PTK2: variants seen among roughly 807,000 people sequenced by gnomAD.
PTK2 encodes the protein protein tyrosine kinase 2.
Under a neutral mutation model 150.1 loss-of-function variants are expected in PTK2, and 45 were observed. The observed-to-expected ratio is 0.30, with a 90% CI of 0.24 to 0.38. PTK2 has a LOEUF of 0.38. Among genes scored for constraint, PTK2 ranks in the 10% least tolerant of loss-of-function variants. PTK2 has a pLI of 1.00. For missense variants in PTK2, 919 were observed against 1,307.3 expected (o/e 0.70, Z 4.58); for synonymous variants, 432 against 449.2 (o/e 0.96, Z 0.48).
In PTK2 at chr8:140,970,042, C is replaced by T. The variant is rs151058232; in HGVS notation, c.-122+31083G>A. On this transcript the variant is annotated intron_variant, in intron 1 of 31. Transcript: ENST00000522684. ...AACTGACCTACTTCTGAAACTAAGA[C>T]CTAGATAGAGCAGCTCCTACTAGGA... Among the ~76,000 whole-genome samples the T allele has an allele frequency of 5.9e-3, 906 of 152,336 alleles. 10 individuals carry two copies. Among genetic ancestry groups the T allele is most frequent in the African/African-American group, 0.021 (863 of 41,582 alleles).
intron 5 of PTK2, among the ~76,000 whole-genome samples, chr8:140,850,462 A>C (rs578205176): frequency 1.3e-5 from 2 of 148,844 alleles, no homozygotes; most frequent in Non-Finnish European, 3.0e-5. Flanking sequence ...GCGGTGGCTT[A>C]TGTCTGTAAT....
chr8:140,784,345 T>C (rs1340111525), intron 14 of PTK2, among the ~76,000 whole-genome samples: 2 of 152,166 alleles, frequency 1.3e-5, no homozygotes, highest in Non-Finnish European at 2.9e-5. Context: ...CATAATGCAA[T>C]GGTATTACTA....
intron 4 of PTK2, among the ~76,000 whole-genome samples, chr8:140,873,331 A>G (rs1049643326): frequency 6.6e-6 from 1 of 152,210 alleles, no homozygotes; most frequent in Non-Finnish European, 1.5e-5. Flanking sequence ...GAGTTTCACT[A>G]AGGTATCGAT....
intron 1 of PTK2, among the ~76,000 whole-genome samples, chr8:140,989,842 A>AGGTT (rs1404015237): frequency 2.0e-5 from 3 of 148,486 alleles, no homozygotes; most frequent in Non-Finnish European, 3.0e-5. Flanking sequence ...CAGGAGGCGG[A>AGGTT]GGTTGCGGTG....
chr8:140,756,222 C>G (rs2100065593), intron 16 of PTK2, among the ~76,000 whole-genome samples: 1 of 150,960 alleles, frequency 6.6e-6, no homozygotes, highest in South Asian at 2.1e-4. Flanking sequence ...AGTTGGGAGG[C>G]TGAGGCAGGA....
chr8:140,789,180 C>T (rs1231547601), intron 14 of PTK2, among the ~76,000 whole-genome samples: 1 of 151,126 alleles, frequency 6.6e-6, no homozygotes, highest in Non-Finnish European at 1.5e-5. Context: ...ATAATGGCAA[C>T]TTCATTCTGG....
At chr8:140,792,089 T>C (rs1416936983) in intron 13 of PTK2, among the ~76,000 whole-genome samples, 1 of 152,190 alleles carries the variant, frequency 6.6e-6, no homozygotes, top group Non-Finnish European at 1.5e-5. Flanking sequence ...AGAGTTAATG[T>C]AGCAGGCCTG....
In PTK2 at chr8:140,658,190, C is replaced by T. The variant is rs145048581; in HGVS notation, c.*1276G>A. On this transcript the variant is annotated 3_prime_UTR_variant, in exon 32 of 32. Coordinates refer to ENST00000522684, the Ensembl canonical transcript of PTK2. ...CCTGAGCTCTGCATTTAATAGGTGACGATGGAATGAAAAGGTTAACTTACG... is the reference window on the plus strand; with the variant it reads ...CCTGAGCTCTGCATTTAATAGGTGATGATGGAATGAAAAGGTTAACTTACG... 21 of 153,718 alleles carry T rather than the reference C, an allele frequency of 1.4e-4. No homozygotes were observed. In the East Asian group the frequency reaches 3.6e-3, roughly 27 times the overall value. The allele number at this position is 153,718 out of a possible 1,614,324, so 9.5% of individuals were successfully genotyped here.
intron 23 of PTK2, among the ~76,000 whole-genome samples, chr8:140,707,528 C>T (rs2100034499): frequency 7.0e-6 from 1 of 141,972 alleles, no homozygotes; most frequent in Non-Finnish European, 1.5e-5. Context: ...GCCTCAGCCT[C>T]TCAAGTAGCT....
At chr8:140,889,429 A>G (rs2100153487) in intron 3 of PTK2, among the ~76,000 whole-genome samples, 1 of 151,974 alleles carries the variant, frequency 6.6e-6, no homozygotes. Context: ...GGGTTTCGCC[A>G]TGTTGGCCAG....
At chr8:140,761,850 A>G (rs2100069611) in intron 15 of PTK2, among the ~76,000 whole-genome samples, 1 of 152,116 alleles carries the variant, frequency 6.6e-6, no homozygotes, top group African/African-American at 2.4e-5. Flanking sequence ...ATGACTCAGA[A>G]TCAAGGTTGG....
intron 1 of PTK2, among the ~76,000 whole-genome samples, chr8:140,937,656 T>C (rs76360090): frequency 1.3e-5 from 2 of 151,356 alleles, no homozygotes; most frequent in East Asian, 1.9e-4. Context: ...ACAAAAATAA[T>C]GGCATTACTA....
rs778605554 is a variant in PTK2 at position 140,659,694 on chromosome 8, T to C, written c.2947-16A>G. ...CCATCTCAATCTGAAAGACAAGAGA[T>C]AGGTCAGGAGAACTGTTTTCAGTGA... On this transcript the variant is annotated splice_polypyrimidine_tract_variant and intron_variant, in intron 31 of 31. Coordinates refer to ENST00000522684, the Ensembl canonical transcript of PTK2. 4 of 1,604,254 alleles carry C rather than the reference T, an allele frequency of 2.5e-6. No homozygotes were observed. The highest frequency in any genetic ancestry group is 3.4e-6 in the Non-Finnish European group (4 of 1,173,002).
intron 1 of PTK2, among the ~76,000 whole-genome samples, chr8:140,950,365 C>T (rs2100179167): frequency 6.6e-6 from 1 of 152,250 alleles, no homozygotes; most frequent in Non-Finnish European, 1.5e-5. Flanking sequence ...TCCCCTCATC[C>T]AGATGCGGGT....
At chr8:140,859,434 C>G (rs1286478375) in intron 5 of PTK2, among the ~76,000 whole-genome samples, 2 of 152,128 alleles carry the variant, frequency 1.3e-5, no homozygotes, top group Admixed American at 1.3e-4. Context: ...ATTATAGAAT[C>G]TACAGAATTA....
At chr8:140,747,458 A>G (rs2100059717) in intron 17 of PTK2, among the ~76,000 whole-genome samples, 1 of 25,662 alleles carries the variant, frequency 3.9e-5, no homozygotes, top group Non-Finnish European at 7.2e-5. Flanking sequence ...GGGGAAGAGG[A>G]GGAGGAGGAG....
chr8:140,734,855 G>GA, intron 22 of PTK2: 1 of 472,548 alleles, frequency 2.1e-6, no homozygotes, highest in South Asian at 1.6e-5. Context: ...GACAGCATGT[G>GA]AAAACGCAGT....
chr8:140,721,147 G>GT (rs1239740883), intron 22 of PTK2, among the ~76,000 whole-genome samples: 2 of 152,038 alleles, frequency 1.3e-5, no homozygotes, highest in Admixed American at 6.6e-5. Context: ...GCGTTCCAGA[G>GT]TAACTGGGAC....
At chr8:140,701,157 G>T in intron 25 of PTK2, 135 bp from the exon 29 acceptor site, 1 of 1,030,416 alleles carries the variant, frequency 9.7e-7, no homozygotes, top group Non-Finnish European at 1.3e-6. Context: ...TACTGTGCTT[G>T]TGGGAATAAC....
Sources: gnomAD v4.1 joint callset for allele counts (sites outside exome capture counted in the v4.1 genomes callset) on GRCh38, gnomAD v4.1.1 for gene constraint, MANE v1.5 for transcripts, NCBI Gene and HGNC (gene_info 2026-07-23, HGNC 2026-07-21) for gene names.